The following JAKMIP1 variants were observed in gnomAD, a reference collection of about 807,000 sequenced individuals.
The protein encoded by JAKMIP1 is janus kinase and microtubule interacting protein 1.
Under a neutral mutation model 113.0 loss-of-function variants are expected in JAKMIP1, and 33 were observed. The ratio of observed to expected loss-of-function variants is 0.29; its 90% confidence interval spans 0.22 to 0.39. The LOEUF (loss-of-function observed/expected upper bound fraction) is 0.39. Among genes scored for constraint, JAKMIP1 ranks in the 10% least tolerant of loss-of-function variants. JAKMIP1 has a pLI of 1.00. For synonymous variants in JAKMIP1, 480 were observed against 459.9 expected, an observed-to-expected ratio of 1.04 and a Z score of -0.56; for missense variants, 813 against 1,080.5, an observed-to-expected ratio of 0.75 and a Z score of 3.47.
rs1714220463 is a variant in JAKMIP1, at chr4:6,040,889, A to T, written c.2098-173T>A. 6.6e-6 allele frequency among the ~76,000 whole-genome samples: 1 copy of T among 152,134 alleles called. No individual in the cohort carries two copies. The highest frequency in any genetic ancestry group is 1.5e-5 in the Non-Finnish European group (1 of 68,012). On this transcript the variant is annotated intron_variant, in intron 17 of 20. Transcript: ENST00000409021. The surrounding 1 kb of genome is among the most constrained non-coding windows in gnomAD (Gnocchi z 5.8). Reference sequence around the variant, plus strand: ...ACATGAATCACCCAGCAGGAGCCTCACTGACCTGGGGCACCCTTGACAGCC... The same window carrying T: ...ACATGAATCACCCAGCAGGAGCCTCTCTGACCTGGGGCACCCTTGACAGCC...
intron 5 of JAKMIP1, among the ~76,000 whole-genome samples, chr4:6,082,066 A>G (rs1720648458): frequency 6.6e-6 from 1 of 152,268 alleles, no homozygotes; most frequent in East Asian, 1.9e-4. Flanking sequence ...CAATATCATG[A>G]TAACCACAGG....
chr4:6,134,648 A>C (rs1359375817), intron 1 of JAKMIP1, among the ~76,000 whole-genome samples: 1 of 152,110 alleles, frequency 6.6e-6, no homozygotes, highest in East Asian at 1.9e-4. Context: ...CTCGGTGCCC[A>C]TGACAGCCAG....
intron 1 of JAKMIP1, among the ~76,000 whole-genome samples, chr4:6,120,087 G>A (rs1328540457): frequency 6.6e-6 from 1 of 152,062 alleles, no homozygotes; most frequent in African/African-American, 2.4e-5. Context: ...AAATCCCAGG[G>A]GTCTCCGTGG....
At chr4:6,034,190 T>C (rs1713104460) in intron 19 of JAKMIP1, among the ~76,000 whole-genome samples, 1 of 93,906 alleles carries the variant, frequency 1.1e-5, no homozygotes, top group Non-Finnish European at 2.0e-5. Flanking sequence ...TCTGCACTTA[T>C]TGACAGCAGT....
At chr4:6,030,022 G>T (rs1712394335) in intron 19 of JAKMIP1, among the ~76,000 whole-genome samples, 1 of 152,118 alleles carries the variant, frequency 6.6e-6, no homozygotes, top group Non-Finnish European at 1.5e-5. Context: ...AAGGAATTCT[G>T]TTCTGACTTC....
At chr4:6,165,342 G>A (rs556458795) in intron 1 of JAKMIP1, among the ~76,000 whole-genome samples, 1 of 152,222 alleles carries the variant, frequency 6.6e-6, no homozygotes, top group East Asian at 1.9e-4. Flanking sequence ...CTGGAGTGCA[G>A]TGGCACAATC....
rs1721745282 is a variant in JAKMIP1, at chr4:6,089,499, A to G, written c.625-3870T>C. ...GGACATCATTTACCCCAAGTTACAC[A>G]CAAACTTGAGGCCCAGAAAGGGGAA... On this transcript the variant is annotated intron_variant, in intron 3 of 20. Coordinates refer to ENST00000409021, the MANE Select transcript of JAKMIP1 (RefSeq NM_001099433.2). The surrounding 1 kb of genome is among the most constrained non-coding windows in gnomAD (Gnocchi z 5.3). 6.6e-6 allele frequency among the ~76,000 whole-genome samples: 1 copy of G among 152,184 alleles called. No homozygotes were observed. Among genetic ancestry groups the G allele is most frequent in the African/African-American group, 2.4e-5 (1 of 41,454 alleles).
chr4:6,165,380 G>A (rs1203326043), intron 1 of JAKMIP1, among the ~76,000 whole-genome samples: 1 of 152,190 alleles, frequency 6.6e-6, no homozygotes, highest in Non-Finnish European at 1.5e-5. Flanking sequence ...CCACCTCCCG[G>A]GTTCAAGCAA....
intron 3 of JAKMIP1, among the ~76,000 whole-genome samples, chr4:6,098,406 C>T (rs1205094286): frequency 6.6e-6 from 1 of 151,174 alleles, no homozygotes; most frequent in Admixed American, 6.6e-5. Flanking sequence ...GCACTTCAGC[C>T]TGAGCAACAA....
At chr4:6,127,857 C>G (rs1450988100) in intron 1 of JAKMIP1, among the ~76,000 whole-genome samples, 5 of 152,242 alleles carry the variant, frequency 3.3e-5, no homozygotes, top group Non-Finnish European at 5.9e-5. Context: ...AAAACTGACG[C>G]CCGTCTAACC....
chr4:6,112,670 C>T (rs1022950405), intron 2 of JAKMIP1, 52 bp downstream of exon 2: 35 of 1,595,250 alleles, frequency 2.2e-5, no homozygotes, highest in Non-Finnish European at 2.8e-5. Flanking sequence ...GGCAACACTG[C>T]CCAAAGGGAC....
At chr4:6,036,741 C>A (rs1713498686) in intron 18 of JAKMIP1, among the ~76,000 whole-genome samples, 1 of 152,254 alleles carries the variant, frequency 6.6e-6, no homozygotes, top group Non-Finnish European at 1.5e-5. Flanking sequence ...TTAAATGTAG[C>A]TATCTTATGG....
chr4:6,091,857 A>ATGAGT (rs932814098), intron 3 of JAKMIP1, among the ~76,000 whole-genome samples: 7 of 152,150 alleles, frequency 4.6e-5, no homozygotes, highest in Admixed American at 3.3e-4. Context: ...CTATAGCTGG[A>ATGAGT]TGAGGACTTT....
intron 1 of JAKMIP1, among the ~76,000 whole-genome samples, chr4:6,190,945 C>T (rs1455999121): frequency 2.6e-5 from 4 of 152,324 alleles, no homozygotes; most frequent in Non-Finnish European, 5.9e-5. Context: ...GCGGCCTGCA[C>T]CACATCCTGA....
In JAKMIP1 at chr4:6,059,171, G is replaced by A. The variant is rs1276274932; in HGVS notation, c.1644+1253C>T. Reference sequence around the variant, plus strand: ...CATGGAGGATGCAGACCACAGTTTAGAGAAGCCATTCCAGAGGGCTGGGCA... The same window carrying A: ...CATGGAGGATGCAGACCACAGTTTAAAGAAGCCATTCCAGAGGGCTGGGCA... On this transcript the variant is annotated intron_variant, in intron 11 of 20. Transcript: ENST00000409021. The surrounding 1 kb of genome is among the most constrained non-coding windows in gnomAD (Gnocchi z 4.8). Among the ~76,000 whole-genome samples the A allele has an allele frequency of 6.6e-6, 1 of 152,330 alleles. No individual in the cohort carries two copies. The highest frequency in any genetic ancestry group is 1.9e-4 in the East Asian group (1 of 5,166).
intron 1 of JAKMIP1, among the ~76,000 whole-genome samples, chr4:6,134,532 C>T (rs1447717740): frequency 6.6e-6 from 1 of 152,156 alleles, no homozygotes; most frequent in African/African-American, 2.4e-5. Flanking sequence ...ACTTCCCACC[C>T]CTAGGCTGGG....
intron 1 of JAKMIP1, among the ~76,000 whole-genome samples, chr4:6,152,789 AATAT>A (rs35192547): frequency 1.5e-5 from 2 of 135,282 alleles, no homozygotes; most frequent in Non-Finnish European, 1.6e-5. Flanking sequence ...TAAAAATACA[AATAT>A]ATATATATAT....
intron 12 of JAKMIP1, among the ~76,000 whole-genome samples, chr4:6,056,182 G>T (rs991766646): frequency 6.7e-6 from 1 of 149,096 alleles, no homozygotes; most frequent in African/African-American, 2.5e-5. Context: ...GTCTGCAGAG[G>T]TTGGGACCTG....
chr4:6,167,045 C>A lies in JAKMIP1; in HGVS notation c.-148+33208G>T, dbSNP rs1022396877. 1.3e-5 allele frequency among the ~76,000 whole-genome samples: 2 copies of A among 152,124 alleles called. No individual in the cohort carries two copies. The highest frequency in any genetic ancestry group is 2.9e-5 in the Non-Finnish European group (2 of 68,004). ...CTCTCAAATACTGTATGTGCTACCC[C>A]ACATCAAGTACTTGGAACAGTGCCT... On this transcript the variant is annotated intron_variant, in intron 1 of 20. Coordinates refer to ENST00000409021, the MANE Select transcript of JAKMIP1 (RefSeq NM_001099433.2). The surrounding 1 kb of genome is among the most constrained non-coding windows in gnomAD (Gnocchi z 5.3).
Sources: gnomAD v4.1 joint callset for allele counts (sites outside exome capture counted in the v4.1 genomes callset) on GRCh38, gnomAD v4.1.1 for gene constraint, Gnocchi (gnomAD v3.1) non-coding constraint, MANE v1.5 for transcripts, NCBI Gene and HGNC (gene_info 2026-07-23, HGNC 2026-07-21) for gene names.